DYM: variants seen among roughly 807,000 people sequenced by gnomAD.
DYM encodes the protein dyggve-Melchior-Clausen syndrome protein.
DYM carries 78 observed loss-of-function variants against 93.1 expected under a neutral mutation model. The observed-to-expected ratio is 0.84, with a 90% CI of 0.70 to 1.01. The LOEUF is 1.01. Among genes scored for constraint, DYM ranks in the 50% least tolerant of loss-of-function variants. The pLI is 0.00. For missense variants in DYM, 789 were observed against 845.0 expected (o/e 0.93, Z 0.82); for synonymous variants, 321 against 319.7 (o/e 1.00, Z -0.04).
intron 8 of DYM, among the ~76,000 whole-genome samples, chr18:49,286,927 A>G (rs1254008834): frequency 6.6e-6 from 1 of 152,168 alleles, no homozygotes; most frequent in Non-Finnish European, 1.5e-5. Flanking sequence ...GTGCAGTGGC[A>G]CACACCTGTA....
chr18:49,146,717 C>T (rs889723575), intron 15 of DYM, among the ~76,000 whole-genome samples: 1 of 152,174 alleles, frequency 6.6e-6, no homozygotes, highest in Non-Finnish European at 1.5e-5. Context: ...AATGGAAGAA[C>T]ATTCTATGAT....
At chr18:49,184,191 A>C (rs2090203641) in intron 14 of DYM, among the ~76,000 whole-genome samples, 1 of 152,164 alleles carries the variant, frequency 6.6e-6, no homozygotes, top group Admixed American at 6.5e-5. Context: ...TTGGGTCTCC[A>C]GTAGTAAAAA....
chr18:49,293,435 TCCC>T (rs2060306245), intron 8 of DYM, among the ~76,000 whole-genome samples: 1 of 152,206 alleles, frequency 6.6e-6, no homozygotes, highest in Non-Finnish European at 1.5e-5. Flanking sequence ...TAATTTACAC[TCCC>T]ACCAACAGTA....
chr18:49,386,782 C>T (rs1308141509), intron 3 of DYM, among the ~76,000 whole-genome samples: 1 of 152,022 alleles, frequency 6.6e-6, no homozygotes, highest in Non-Finnish European at 1.5e-5. Context: ...CTGTGCTTTG[C>T]TTTATTGTGC....
intron 8 of DYM, among the ~76,000 whole-genome samples, chr18:49,289,761 AT>A (rs1568181311): frequency 5.2e-5 from 3 of 57,394 alleles, no homozygotes; most frequent in African/African-American, 7.6e-5. Context: ...ATATATATAT[AT>A]ATATATATAT....
chr18:49,097,518 G>A lies in DYM; in HGVS notation c.1912-3C>T. On this transcript the variant is annotated splice_region_variant and splice_polypyrimidine_tract_variant and intron_variant, in intron 16 of 17. Coordinates refer to ENST00000675505, the MANE Select transcript of DYM (RefSeq NM_001353214.3). Reference sequence around the variant, plus strand: ...CTTGAGCTAAAGAAGGAGATCACCTGTAATGTAAAGTGTTATTTTTTAAAC... The same window carrying A: ...CTTGAGCTAAAGAAGGAGATCACCTATAATGTAAAGTGTTATTTTTTAAAC... 6.2e-7 allele frequency: 1 copy of A among 1,612,102 alleles called. No individual in the cohort carries two copies.
intron 2 of DYM, among the ~76,000 whole-genome samples, chr18:49,412,236 TAAAAA>T (rs67065136): frequency 7.4e-6 from 1 of 135,096 alleles, no homozygotes; most frequent in Non-Finnish European, 1.6e-5. Flanking sequence ...AACATTGACT[TAAAAA>T]AAAAAAAAAA....
intron 13 of DYM, among the ~76,000 whole-genome samples, chr18:49,250,635 C>G (rs2094265141): frequency 6.6e-6 from 1 of 152,136 alleles, no homozygotes; most frequent in South Asian, 2.1e-4. Flanking sequence ...AGGAGCTGAA[C>G]TGGGGAGACC....
intron 2 of DYM, among the ~76,000 whole-genome samples, chr18:49,423,829 C>A (rs980114502): frequency 7.9e-5 from 12 of 152,152 alleles, no homozygotes; most frequent in South Asian, 2.1e-4. Context: ...CACATACACC[C>A]TCCCAAGACT....
chr18:49,058,720 TGA>T (rs371748876), intron 17 of DYM, among the ~76,000 whole-genome samples: 47 of 152,320 alleles, frequency 3.1e-4, no homozygotes, highest in African/African-American at 1.1e-3. Context: ...TAAACAACAT[TGA>T]GAGTTACCTT....
chr18:49,311,140 A>C (rs2061563039), intron 8 of DYM, among the ~76,000 whole-genome samples: 1 of 152,314 alleles, frequency 6.6e-6, no homozygotes, highest in African/African-American at 2.4e-5. Flanking sequence ...GTCTAAGCAG[A>C]GGGACAACAG....
chr18:49,114,348 T>C (rs1192791623), intron 16 of DYM, among the ~76,000 whole-genome samples: 16 of 152,362 alleles, frequency 1.1e-4, no homozygotes, highest in African/African-American at 9.6e-5. Flanking sequence ...TAACAGCATA[T>C]AGTCAAATGT....
intron 9 of DYM, among the ~76,000 whole-genome samples, chr18:49,283,770 C>T (rs2095049201): frequency 6.6e-6 from 1 of 152,158 alleles, no homozygotes; most frequent in African/African-American, 2.4e-5. Flanking sequence ...AAAAGCTGTG[C>T]TCTTATGGAA....
rs1297490405 is a variant in DYM at position 49,293,659 on chromosome 18, AT to A, written c.764-7044del. Among the ~76,000 whole-genome samples, 21 of 152,158 alleles carry A rather than the reference AT, an allele frequency of 1.4e-4. No homozygotes were observed. The South Asian group carries it at 3.9e-3, about 29-fold the overall frequency. ...TCTGTTCATATCCTCCCACTTTTTG[AT>A]GGGGTTGTTTGCTTTTTTTCTTGTA... On this transcript the variant is annotated intron_variant, in intron 8 of 17. Transcript: ENST00000675505.
chr18:49,400,315 G>C (rs1301548056), intron 2 of DYM, among the ~76,000 whole-genome samples: 1 of 152,068 alleles, frequency 6.6e-6, no homozygotes, highest in African/African-American at 2.4e-5. Context: ...AGAATTATCT[G>C]GAAAGCTCCC....
rs34226606 is a variant in DYM at position 49,038,248 on chromosome 18, A to G, written c.*5807T>C. Reference sequence around the variant, plus strand: ...GCTCATTTCATTGCTTAAATCTTTTATAACTTGATTTTTGTATGCTAGTTT... The same window carrying G: ...GCTCATTTCATTGCTTAAATCTTTTGTAACTTGATTTTTGTATGCTAGTTT... On this transcript the variant is annotated 3_prime_UTR_variant, in exon 18 of 18. Coordinates refer to ENST00000675505, the MANE Select transcript of DYM (RefSeq NM_001353214.3). Among the ~76,000 whole-genome samples, 1,028 of 150,458 alleles carry G rather than the reference A, an allele frequency of 6.8e-3. 5 individuals are homozygous for G. The highest frequency in any genetic ancestry group is 0.011 in the Non-Finnish European group (780 of 68,016).
chr18:49,411,817 A>G (rs2072281205), intron 2 of DYM: 2 of 152,184 alleles, frequency 1.3e-5, no homozygotes, highest in African/African-American at 2.4e-5. Context: ...TAAATATATA[A>G]TGTTAGTCAA....
At chr18:49,394,324 A>G (rs1474147691) in intron 2 of DYM, among the ~76,000 whole-genome samples, 1 of 152,218 alleles carries the variant, frequency 6.6e-6, no homozygotes. Flanking sequence ...ATATCGATAA[A>G]GCACTTAGAA....
intron 16 of DYM, 54 bp from the exon 17 acceptor site, chr18:49,097,569 A>C: frequency 6.9e-7 from 1 of 1,451,380 alleles, no homozygotes. Flanking sequence ...ATGTATTTTT[A>C]GTAGCCGCCT....
Sources: gnomAD v4.1 joint callset for allele counts (sites outside exome capture counted in the v4.1 genomes callset) on GRCh38, gnomAD v4.1.1 for gene constraint, MANE v1.5 for transcripts, NCBI Gene and HGNC (gene_info 2026-07-23, HGNC 2026-07-21) for gene names.